Variants in CNST observed in about 807,000 individuals in gnomAD.
The protein encoded by CNST is consortin, connexin sorting protein.
CNST carries 39 observed loss-of-function variants against 72.4 expected under a neutral mutation model. That is an observed-to-expected ratio of 0.54 (90% CI 0.42 to 0.70). CNST has a LOEUF of 0.70. CNST is among the 30% of genes least tolerant of loss of function. The probability of loss-of-function intolerance (pLI) is 0.00; values close to 1 mark genes in which losing one functional copy is unlikely to be tolerated. For synonymous variants in CNST, 332 were observed against 320.1 expected, an observed-to-expected ratio of 1.04 and a Z score of -0.40; for missense variants, 871 against 868.5, an observed-to-expected ratio of 1.00 and a Z score of -0.04.
chr1:246,583,046 G>T (rs1164699378), intron 1 of CNST, among the ~76,000 whole-genome samples: 3 of 152,160 alleles, frequency 2.0e-5, no homozygotes, highest in Non-Finnish European at 4.4e-5. Context: ...TCTTGGGCAG[G>T]GGGGCCTGTA....
chr1:246,603,927 C>T (rs1439900431), intron 2 of CNST, among the ~76,000 whole-genome samples: 1 of 152,012 alleles, frequency 6.6e-6, no homozygotes, highest in Non-Finnish European at 1.5e-5. Context: ...TCAGTAAAGC[C>T]GTTAAAAGAA....
chr1:246,626,610 C>T (rs1664456860), intron 3 of CNST, among the ~76,000 whole-genome samples: 1 of 151,710 alleles, frequency 6.6e-6, no homozygotes, highest in African/African-American at 2.4e-5. Flanking sequence ...GCACGTGCCA[C>T]CACACCTGGC....
At chr1:246,607,644 T>A (rs893451938) in intron 2 of CNST, 1 of 149,132 alleles carries the variant, frequency 6.7e-6, no homozygotes, top group African/African-American at 2.5e-5. Context: ...TGCTACGTGG[T>A]ACCCGGATGG....
At position 246,647,150 on chromosome 1, in the gene CNST, TGTCTC is replaced by T; in HGVS notation, c.951_955del (p.Cys317TrpfsTer6). On this transcript the variant is annotated frameshift_variant, in exon 9 of 11. Transcript: ENST00000366513. LOFTEE classifies it high-confidence loss of function. ...TTCTTCATCTTTAGAGAGTAAAACT[TGTCTC>T]GGCACAGAGTCAAGTAAAGAAAGCC... 1.3e-5 allele frequency: 21 copies of T among 1,608,876 alleles called. No individual in the cohort carries two copies. Among genetic ancestry groups the T allele is most frequent in the Non-Finnish European group, 1.8e-5 (21 of 1,177,986 alleles).
intron 6 of CNST, among the ~76,000 whole-genome samples, chr1:246,636,060 G>A (rs1032983556): frequency 2.4e-4 from 36 of 152,218 alleles, no homozygotes; most frequent in African/African-American, 7.2e-4. Flanking sequence ...TAGGATTGTC[G>A]CATAGTGCAC....
At position 246,645,617 on chromosome 1, in the gene CNST, C is replaced by T. The variant is rs552524293; in HGVS notation, c.938-1522C>T. ...TAATTTTTTGTGTTTTTAGTAGAGA[C>T]GGGGTTTCACCGTGTTAGACAGGAT... On this transcript the variant is annotated intron_variant, in intron 8 of 10. Transcript: ENST00000366513. Among the ~76,000 whole-genome samples, 32 of 151,458 alleles carry T rather than the reference C, an allele frequency of 2.1e-4. No individual in the cohort carries two copies. In the South Asian group the frequency reaches 3.1e-3, roughly 15 times the overall value.
Position 246,618,441 on chromosome 1 carries a change from C to T in CNST, c.380-2988C>T, listed in dbSNP as rs534997861. 2.0e-5 allele frequency among the ~76,000 whole-genome samples: 3 copies of T among 152,294 alleles called. No homozygotes were observed. In the East Asian group the frequency reaches 5.8e-4, roughly 29 times the overall value. On this transcript the variant is annotated intron_variant, in intron 2 of 10. Transcript: ENST00000366513. ...TATAGTAATGGTTATCTCTGAAGCT[C>T]ATGTTGTTTAAGGCCTGACAGATAA...
intron 8 of CNST, among the ~76,000 whole-genome samples, chr1:246,645,521 G>T (rs3129554): frequency 6.7e-6 from 1 of 149,296 alleles, no homozygotes; most frequent in Non-Finnish European, 1.5e-5. Context: ...TCCGCCTCCC[G>T]GGTTCACGCC....
chr1:246,634,772 C>T (rs1167778076), intron 6 of CNST, among the ~76,000 whole-genome samples, 185 bp downstream of exon 6: 2 of 152,230 alleles, frequency 1.3e-5, no homozygotes, highest in East Asian at 1.9e-4. Flanking sequence ...CAGCACAAGG[C>T]GGTGTGGAGC....
chr1:246,649,876 A>G (rs1258545548), intron 9 of CNST, among the ~76,000 whole-genome samples: 2 of 150,712 alleles, frequency 1.3e-5, no homozygotes, highest in Non-Finnish European at 2.9e-5. Flanking sequence ...GAGTTTTGGT[A>G]ACCTTTATCT....
intron 4 of CNST, among the ~76,000 whole-genome samples, chr1:246,633,273 A>G (rs1234171063): frequency 1.3e-5 from 2 of 151,112 alleles, no homozygotes; most frequent in Non-Finnish European, 2.9e-5. Flanking sequence ...AACGTGGTGA[A>G]ACCCCATCTT....
In CNST at chr1:246,605,709, G is replaced by C. The variant is rs74824120; in HGVS notation, c.379+13768G>C. On this transcript the variant is annotated intron_variant, in intron 2 of 10. Coordinates refer to ENST00000366513, the MANE Select transcript of CNST (RefSeq NM_152609.3). ...GGGTAGGTGTCTTCCGGCCGGGGTA[G>C]GTGTCTTCCGGCCGGGGTAGGTGTC... 3.4e-4 allele frequency among the ~76,000 whole-genome samples: 31 copies of C among 90,912 alleles called. 1 individual carries two copies. Among genetic ancestry groups the C allele is most frequent in the South Asian group, 8.7e-4 (2 of 2,312 alleles). 59.6% of individuals were successfully genotyped at this position (90,912 alleles called of 152,430 possible). A position where few individuals can be genotyped will look rare whatever the true frequency, so the allele number is the denominator to read the frequency against.
Position 246,665,996 on chromosome 1 carries a change from C to G in CNST, c.*91C>G, listed in dbSNP as rs1667375918. 1 of 899,096 alleles carries G rather than the reference C, an allele frequency of 1.1e-6. No individual in the cohort carries two copies. Among genetic ancestry groups the G allele is most frequent in the Non-Finnish European group, 1.7e-6 (1 of 586,676 alleles). The allele number at this position is 899,096 out of a possible 1,614,324, so 55.7% of individuals were successfully genotyped here. ...TCTTTCAGGAATTCTGTAGCATTCC[C>G]CCTTCCCTCTGTTAGGAACCAAGGA... On this transcript the variant is annotated 3_prime_UTR_variant, in exon 11 of 11. Coordinates refer to ENST00000366513, the MANE Select transcript of CNST (RefSeq NM_152609.3).
intron 9 of CNST, among the ~76,000 whole-genome samples, chr1:246,658,834 AC>A (rs1424730138): frequency 6.6e-6 from 1 of 152,206 alleles, no homozygotes; most frequent in African/African-American, 2.4e-5. Flanking sequence ...CAGGCAACTA[AC>A]AAGTTAACTT....
At chr1:246,617,858 C>T (rs1454082046) in intron 2 of CNST, among the ~76,000 whole-genome samples, 2 of 152,176 alleles carry the variant, frequency 1.3e-5, no homozygotes, top group Non-Finnish European at 2.9e-5. Context: ...TTGGTCATTT[C>T]ATAACATGTA....
intron 1 of CNST, among the ~76,000 whole-genome samples, chr1:246,567,470 C>T (rs1234342366): frequency 1.3e-5 from 2 of 151,952 alleles, no homozygotes; most frequent in African/African-American, 2.4e-5. Flanking sequence ...AGGCAAGAAA[C>T]GGCAGCCAAT....
At chr1:246,652,808 T>G (rs953428346) in intron 9 of CNST, among the ~76,000 whole-genome samples, 10 of 150,818 alleles carry the variant, frequency 6.6e-5, no homozygotes, top group South Asian at 2.1e-4. Context: ...ATCGAGACCA[T>G]CCTGGCTAAC....
chr1:246,664,223 A>G (rs1375509480), intron 10 of CNST, among the ~76,000 whole-genome samples: 1 of 152,206 alleles, frequency 6.6e-6, no homozygotes, highest in Non-Finnish European at 1.5e-5. Flanking sequence ...AACCAGAACC[A>G]CTAAGTTATT....
At chr1:246,619,079 G>T (rs1407913002) in intron 2 of CNST, among the ~76,000 whole-genome samples, 1 of 151,634 alleles carries the variant, frequency 6.6e-6, no homozygotes, top group African/African-American at 2.4e-5. Flanking sequence ...CAGAAGAATA[G>T]AATTTGGGAA....
Sources: gnomAD v4.1 joint callset for allele counts (sites outside exome capture counted in the v4.1 genomes callset) on GRCh38, gnomAD v4.1.1 for gene constraint, MANE v1.5 for transcripts, NCBI Gene and HGNC (gene_info 2026-07-23, HGNC 2026-07-21) for gene names.